The following SFXN5 variants were observed in gnomAD, a reference collection of about 807,000 sequenced individuals.
SFXN5 encodes the protein sideroflexin 5, also known as sideroflexin-5.
In SFXN5, 43 loss-of-function variants were observed where a neutral mutation model predicts 50.2. The ratio of observed to expected loss-of-function variants is 0.86; its 90% confidence interval spans 0.67 to 1.11. The LOEUF is 1.11. Among genes scored for constraint, SFXN5 ranks in the 50% least tolerant of loss-of-function variants. SFXN5 has a pLI of 0.00. For synonymous variants in SFXN5, 203 were observed against 185.8 expected, an observed-to-expected ratio of 1.09 and a Z score of -0.75; for missense variants, 463 against 454.1, an observed-to-expected ratio of 1.02 and a Z score of -0.18.
intron 11 of SFXN5, among the ~76,000 whole-genome samples, chr2:72,971,245 A>G (rs2105454775): frequency 6.6e-6 from 1 of 152,202 alleles, no homozygotes; most frequent in Admixed American, 6.5e-5. Context: ...GGGCAGAGGC[A>G]AGGGGAAGAG....
chr2:73,010,634 C>G (rs1031917130), intron 6 of SFXN5, among the ~76,000 whole-genome samples: 1 of 152,172 alleles, frequency 6.6e-6, no homozygotes, highest in Non-Finnish European at 1.5e-5. Flanking sequence ...AGATACCATG[C>G]TACAAAGAAA....
rs984266216 is a variant in SFXN5, at chr2:72,945,530, G to T, written c.946-431C>A. ...CCCCACCCTCCTGGGCTCCTCAGTCGCCTGTCCTTCCAGCACCCCACTCAC... is the reference window on the plus strand; with the variant it reads ...CCCCACCCTCCTGGGCTCCTCAGTCTCCTGTCCTTCCAGCACCCCACTCAC... On this transcript the variant is annotated intron_variant, in intron 13 of 13. Transcript: ENST00000272433. The surrounding 1 kb of genome is among the most constrained non-coding windows in gnomAD (Gnocchi z 5.8). 6.6e-6 allele frequency among the ~76,000 whole-genome samples: 1 copy of T among 151,618 alleles called. No homozygotes were observed. The highest frequency in any genetic ancestry group is 2.4e-5 in the African/African-American group (1 of 41,234).
chr2:72,963,725 C>T (rs1384477236), intron 12 of SFXN5, among the ~76,000 whole-genome samples: 1 of 152,166 alleles, frequency 6.6e-6, no homozygotes, highest in Non-Finnish European at 1.5e-5. Flanking sequence ...CAGCCTGGTG[C>T]CCCTGCTGGC....
chr2:73,050,402 A>G (rs1254842763), intron 2 of SFXN5, among the ~76,000 whole-genome samples: 3 of 151,962 alleles, frequency 2.0e-5, no homozygotes, highest in Non-Finnish European at 4.4e-5. Context: ...GCACACACAC[A>G]CACACACACA....
chr2:72,988,654 G>T (rs572083925), intron 9 of SFXN5, among the ~76,000 whole-genome samples: 1 of 152,186 alleles, frequency 6.6e-6, no homozygotes, highest in East Asian at 1.9e-4. Context: ...CACACACACT[G>T]CAGAGGAGAA....
intron 2 of SFXN5, 152 bp downstream of exon 2, chr2:73,058,376 T>C (rs1682400609): frequency 7.7e-6 from 5 of 651,040 alleles, no homozygotes; most frequent in Middle Eastern, 3.6e-4. Context: ...AACAGACAGC[T>C]ACAGGTAGAG....
At chr2:73,034,375 A>G (rs1274855295) in intron 3 of SFXN5, among the ~76,000 whole-genome samples, 1 of 152,224 alleles carries the variant, frequency 6.6e-6, no homozygotes, top group African/African-American at 2.4e-5. Context: ...GACTTGGGGC[A>G]CAAGTATTTT....
At chr2:73,059,804 C>T (rs1052683407) in intron 1 of SFXN5, 5 of 980,234 alleles carry the variant, frequency 5.1e-6, no homozygotes, top group South Asian at 4.8e-5. Context: ...GCTCACAATG[C>T]TGTCCTGGCA....
At chr2:73,061,467 T>C (rs957127857) in intron 1 of SFXN5, among the ~76,000 whole-genome samples, 4 of 152,212 alleles carry the variant, frequency 2.6e-5, no homozygotes, top group African/African-American at 9.6e-5. Context: ...ATTGAAGATG[T>C]CCTAATGATA....
At chr2:73,016,028 C>T (rs1169260425) in intron 6 of SFXN5, among the ~76,000 whole-genome samples, 1 of 151,328 alleles carries the variant, frequency 6.6e-6, no homozygotes, top group Non-Finnish European at 1.5e-5. Flanking sequence ...TTCATTTCTT[C>T]TAAGTCTTTA....
At chr2:72,969,461 C>T (rs1674888894) in intron 11 of SFXN5, among the ~76,000 whole-genome samples, 3 of 152,066 alleles carry the variant, frequency 2.0e-5, no homozygotes, top group Admixed American at 2.0e-4. Context: ...GTGGCATGAT[C>T]TCAGCTCACT....
intron 1 of SFXN5, chr2:73,059,400 A>T: frequency 1.0e-6 from 1 of 985,390 alleles, no homozygotes; most frequent in Non-Finnish European, 1.2e-6. Context: ...GCTCTGCCCC[A>T]AATTCCTCCC....
rs181924679 is a variant in SFXN5 at position 73,033,909 on chromosome 2, C to A, written c.249+6945G>T. 1.9e-3 allele frequency among the ~76,000 whole-genome samples: 287 copies of A among 152,256 alleles called. 3 individuals are homozygous for A. Among genetic ancestry groups the A allele is most frequent in the Middle Eastern group, 6.8e-3 (2 of 294 alleles). On this transcript the variant is annotated intron_variant, in intron 3 of 13. Coordinates refer to ENST00000272433, the MANE Select transcript of SFXN5 (RefSeq NM_144579.3). ...CTAATGGCATCTACTGGGTCACAGC[C>A]AGGCAGGTTGCTAAACACCCTCAGT...
chr2:72,970,859 T>C (rs1336301072), intron 11 of SFXN5, among the ~76,000 whole-genome samples: 1 of 152,114 alleles, frequency 6.6e-6, no homozygotes, highest in Non-Finnish European at 1.5e-5. Flanking sequence ...GGCTAATTTT[T>C]GCATTTTTAG....
chr2:73,062,496 G>A (rs1682882325), intron 1 of SFXN5, among the ~76,000 whole-genome samples: 1 of 152,234 alleles, frequency 6.6e-6, no homozygotes, highest in South Asian at 2.1e-4. Context: ...TTCAGCCTTT[G>A]ACTTGTCCTA....
chr2:73,048,340 C>T (rs923515569), intron 2 of SFXN5, among the ~76,000 whole-genome samples: 1 of 152,124 alleles, frequency 6.6e-6, no homozygotes, highest in South Asian at 2.1e-4. Flanking sequence ...CTCAGCCTCC[C>T]GAGTAGCTGG....
At chr2:73,004,788 G>C (rs1335520699) in intron 6 of SFXN5, among the ~76,000 whole-genome samples, 1 of 152,226 alleles carries the variant, frequency 6.6e-6, no homozygotes, top group African/African-American at 2.4e-5. Flanking sequence ...AAAAGCACGA[G>C]GATGCCAGCC....
intron 11 of SFXN5, among the ~76,000 whole-genome samples, chr2:72,969,560 A>G (rs1674902275): frequency 6.6e-6 from 1 of 151,344 alleles, no homozygotes; most frequent in Non-Finnish European, 1.5e-5. Context: ...ACACCCAGCT[A>G]ATTTTTGCAT....
At chr2:72,964,287 AG>A (rs1451509841) in intron 12 of SFXN5, among the ~76,000 whole-genome samples, 1 of 152,142 alleles carries the variant, frequency 6.6e-6, no homozygotes, top group African/African-American at 2.4e-5. Flanking sequence ...CTCACCCAAC[AG>A]GGGCTCCCCA....
Sources: allele counts gnomAD v4.1 joint callset (sites outside exome capture counted in the v4.1 genomes callset), GRCh38; gene constraint gnomAD v4.1.1; non-coding constraint Gnocchi (gnomAD v3.1); transcripts MANE v1.5; gene names NCBI Gene and HGNC (gene_info 2026-07-23, HGNC 2026-07-21).